LMBR1L: variants seen among roughly 807,000 people sequenced by gnomAD.
LMBR1L encodes protein LMBR1L.
LMBR1L carries 47 observed loss-of-function variants against 67.3 expected under a neutral mutation model. That is an observed-to-expected ratio of 0.70 (90% confidence interval 0.55 to 0.89). LMBR1L has a LOEUF of 0.89. Among genes scored for constraint, LMBR1L ranks in the 40% least tolerant of loss-of-function variants. The pLI is 0.00. For synonymous variants in LMBR1L, 247 were observed against 250.3 expected (o/e 0.99, Z 0.13); for missense variants, 533 against 599.2 (o/e 0.89, Z 1.15).
At chr12:49,104,944 A>C (rs1592218554) in intron 3 of LMBR1L, 59 bp from the exon 4 acceptor site, 1 of 1,551,078 alleles carries the variant, frequency 6.4e-7, no homozygotes, top group Non-Finnish European at 8.7e-7. Context: ...CCTGTGCTGA[A>C]GAAGCCCCAT....
At chr12:49,109,829 G>T (rs1295242959) in intron 1 of LMBR1L, 1 of 432,222 alleles carries the variant, frequency 2.3e-6, no homozygotes, top group Non-Finnish European at 4.6e-6. Context: ...GAAGCCCTGG[G>T]AGGACCACTC....
Position 49,102,275 on chromosome 12 carries a change from C to T in LMBR1L, c.853+18G>A. On this transcript the variant is annotated intron_variant, in intron 10 of 16. Transcript: ENST00000267102. Reference sequence around the variant, plus strand: ...CTTGGGGAAACCCAGGTATCCCAAGCCCTACGAAGCCACATACCCAGCAGG... The same window carrying T: ...CTTGGGGAAACCCAGGTATCCCAAGTCCTACGAAGCCACATACCCAGCAGG... The T allele has an allele frequency of 6.2e-7, 1 of 1,613,786 alleles. No individual in the cohort carries two copies.
At chr12:49,108,028 G>T (rs1285793182) in intron 1 of LMBR1L, among the ~76,000 whole-genome samples, 1 of 152,158 alleles carries the variant, frequency 6.6e-6, no homozygotes, top group Non-Finnish European at 1.5e-5. Flanking sequence ...ACTTTGGGAG[G>T]CCACAGTGGG....
In LMBR1L at chr12:49,097,292, A is replaced by G. The variant is rs774339570; in HGVS notation, c.*380T>C. 27 of 217,682 alleles carry G rather than the reference A, an allele frequency of 1.2e-4. No homozygotes were observed. The highest frequency in any genetic ancestry group is 2.4e-4 in the Non-Finnish European group (25 of 104,656). The allele number at this position is 217,682 out of a possible 1,614,324, so 13.5% of individuals were successfully genotyped here. Reference sequence around the variant, plus strand: ...GGGCCAGAGGCAAGGGAGACAATCTATCTCCCGAGCCTGCCCTGGCCCAGT... The same window carrying G: ...GGGCCAGAGGCAAGGGAGACAATCTGTCTCCCGAGCCTGCCCTGGCCCAGT... On this transcript the variant is annotated 3_prime_UTR_variant, in exon 17 of 17. Transcript: ENST00000267102.
In LMBR1L at chr12:49,101,282, G is replaced by A. The variant is rs763417631; in HGVS notation, c.1050C>T (p.Ser350=). 1.9e-6 allele frequency: 3 copies of A among 1,614,196 alleles called. No individual in the cohort carries two copies. Among genetic ancestry groups the A allele is most frequent in the African/African-American group, 1.3e-5 (1 of 75,044 alleles). ...LGQVSFSKLG[S]FGAVIQVVLI... Reference sequence around the variant, plus strand: ...GTACAACCTGAATGACGGCACCAAAGGAGCCCAGCTTGGAGAAGGAGACCT... The same window carrying A: ...GTACAACCTGAATGACGGCACCAAAAGAGCCCAGCTTGGAGAAGGAGACCT... The change falls in exon 13 of 17, where the codon TCC becomes TCT. Residue 350 remains serine (S), a synonymous_variant. Coordinates refer to ENST00000267102, the MANE Select transcript of LMBR1L (RefSeq NM_018113.4).
At chr12:49,105,877 A>G (rs1323758079) in intron 3 of LMBR1L, 47 bp downstream of exon 3, 2 of 1,547,180 alleles carry the variant, frequency 1.3e-6, no homozygotes, top group African/African-American at 1.4e-5. Flanking sequence ...CCTAGATCCC[A>G]GTTCCTAAAG....
Position 49,097,514 on chromosome 12 carries a change from T to C in LMBR1L, c.*158A>G. 1.4e-6 allele frequency: 1 copy of C among 706,778 alleles called. No individual in the cohort carries two copies. 43.8% of individuals were successfully genotyped at this position (706,778 alleles called of 1,614,324 possible). On this transcript the variant is annotated 3_prime_UTR_variant, in exon 17 of 17. Coordinates refer to ENST00000267102, the MANE Select transcript of LMBR1L (RefSeq NM_018113.4). ...AGCAGGAGGTCCTGGTCCCAAACTCTGGCTCAGATTATGCAATAGTGCAGA... is the reference window on the plus strand; with the variant it reads ...AGCAGGAGGTCCTGGTCCCAAACTCCGGCTCAGATTATGCAATAGTGCAGA...
intron 1 of LMBR1L, chr12:49,109,839 C>G (rs1365745058): frequency 2.4e-6 from 1 of 421,052 alleles, no homozygotes; most frequent in African/African-American, 2.1e-5. Context: ...GAGGACCACT[C>G]ACTGGGGAAA....
chr12:49,106,843 G>C, intron 2 of LMBR1L, 118 bp downstream of exon 2: 4 of 943,658 alleles, frequency 4.2e-6, no homozygotes, highest in Non-Finnish European at 6.9e-6. Context: ...AGAGGCAAAG[G>C]CTCCAGAACA....
intron 13 of LMBR1L, 70 bp downstream of exon 13, chr12:49,101,180 A>G (rs1251143842): frequency 1.2e-6 from 2 of 1,613,326 alleles, no homozygotes; most frequent in African/African-American, 2.7e-5. Context: ...AAGTCCAAGA[A>G]GTGCTCGGTC....
chr12:49,100,301 G>C, intron 15 of LMBR1L, 87 bp downstream of exon 15: 1 of 1,025,006 alleles, frequency 9.8e-7, no homozygotes, highest in South Asian at 1.3e-5. Context: ...GTGGGAATTA[G>C]AGAAATTATG....
chr12:49,101,736 A>C, intron 11 of LMBR1L, 187 bp from the exon 12 acceptor site: 1 of 595,242 alleles, frequency 1.7e-6, no homozygotes, highest in Non-Finnish European at 3.0e-6. Flanking sequence ...TATAAGATAC[A>C]TCTCCTCTAG....
Position 49,101,234 on chromosome 12 carries a change from G to A in LMBR1L, c.1082+16C>T, listed in dbSNP as rs1371753097. On this transcript the variant is annotated intron_variant, in intron 13 of 16. Transcript: ENST00000267102. The stretch of plus-strand genomic sequence containing the variant: ...GTTTGCTGAACAGAGGCAATGATGG[G>A]TTTCCAGAAGGATACAAGATGAGTA... 1 of 1,614,160 alleles carries A rather than the reference G, an allele frequency of 6.2e-7. No individual in the cohort carries two copies. Among genetic ancestry groups the A allele is most frequent in the Admixed American group, 1.7e-5 (1 of 60,024 alleles).
At chr12:49,098,297 C>T (rs1939673687) in intron 15 of LMBR1L, among the ~76,000 whole-genome samples, 192 bp from the exon 16 acceptor site, 1 of 152,236 alleles carries the variant, frequency 6.6e-6, no homozygotes, top group Non-Finnish European at 1.5e-5. Flanking sequence ...AGGCTTGCTT[C>T]AACTTCGCTT....
rs1939529888 is a variant in LMBR1L, at chr12:49,097,428, CA to C, written c.*243del. Reference sequence around the variant, plus strand: ...ATTGATGTGTAAACAGATTTGGGATCAGGGGCTAGACCCAGTCACCCAGCCC... The same window carrying C: ...ATTGATGTGTAAACAGATTTGGGATCGGGGCTAGACCCAGTCACCCAGCCC... On this transcript the variant is annotated 3_prime_UTR_variant, in exon 17 of 17. Coordinates refer to ENST00000267102, the MANE Select transcript of LMBR1L (RefSeq NM_018113.4). 9.2e-6 allele frequency: 5 copies of C among 543,696 alleles called. No homozygotes were observed. Among genetic ancestry groups the C allele is most frequent in the African/African-American group, 5.6e-5 (3 of 53,146 alleles). 33.7% of individuals were successfully genotyped at this position (543,696 alleles called of 1,614,324 possible). A position where few individuals can be genotyped will look rare whatever the true frequency, so the allele number is the denominator to read the frequency against.
intron 15 of LMBR1L, among the ~76,000 whole-genome samples, chr12:49,098,893 T>C (rs1363773736): frequency 6.6e-6 from 1 of 152,008 alleles, no homozygotes; most frequent in East Asian, 1.9e-4. Context: ...CTTAGCTCAC[T>C]GCAGCCTCAA....
In LMBR1L at chr12:49,102,518, T is replaced by C. The variant is rs746887360; in HGVS notation, c.719A>G (p.Gln240Arg). The C allele has an allele frequency of 7.4e-5, 120 of 1,614,022 alleles. No homozygotes were observed. Among genetic ancestry groups the C allele is most frequent in the Non-Finnish European group, 1.0e-4 (119 of 1,180,022 alleles). Residue 240 changes from glutamine (Q) to arginine (R), a missense_variant, in exon 9 of 17, where the codon CAG becomes CGG. This residue lies in a region of LMBR1L where 64 missense variants were observed against 109.0 expected (regional missense o/e 0.59). Coordinates refer to ENST00000267102, the MANE Select transcript of LMBR1L (RefSeq NM_018113.4). ...KPRLLEDLEE[Q>R]LYCSAFEEAA... ...CTCCTCAAAGGCTGAGCAGTACAGC[T>C]GCTCCTCCAGGTCTTCCAGCAGCTA...
rs149778606 is a variant in LMBR1L at position 49,097,211 on chromosome 12, T to A, written c.*461A>T. 2.2e-4 allele frequency: 35 copies of A among 160,518 alleles called. No individual in the cohort carries two copies. In the East Asian group the frequency reaches 5.8e-3, roughly 27 times the overall value. 9.9% of individuals were successfully genotyped at this position (160,518 alleles called of 1,614,324 possible). A position where few individuals can be genotyped will look rare whatever the true frequency, so the allele number is the denominator to read the frequency against. On this transcript the variant is annotated 3_prime_UTR_variant, in exon 17 of 17. Coordinates refer to ENST00000267102, the MANE Select transcript of LMBR1L (RefSeq NM_018113.4). The stretch of plus-strand genomic sequence containing the variant: ...TGAAGCCTCCTCCTCCCTATCCCCT[T>A]GGTCTTTCAGGTGGTCCAAAGCCCC...
rs1419685544 is a variant in LMBR1L, at chr12:49,102,931, C to T, written c.652G>A (p.Ala218Thr). 3 of 1,613,950 alleles carry T rather than the reference C, an allele frequency of 1.9e-6. No individual in the cohort carries two copies. Among genetic ancestry groups the T allele is most frequent in the South Asian group, 1.1e-5 (1 of 91,084 alleles). ...LLLVCTPLGLARMFSVTGKLL... is the reference protein window; with the variant it reads ...LLLVCTPLGLTRMFSVTGKLL... Reference sequence around the variant, plus strand: ...TTCCCAGTGACGGAGAACATGCGGGCGAGACCCAGTGGAGTACACACTGTA... The same window carrying T: ...TTCCCAGTGACGGAGAACATGCGGGTGAGACCCAGTGGAGTACACACTGTA... The change falls in exon 8 of 17, where the codon GCC (alanine) becomes ACC (threonine). Residue 218 changes from alanine to threonine, a missense_variant. Ala to Thr is a moderately conservative substitution (Grantham distance 58). This residue lies in a region of LMBR1L where 64 missense variants were observed against 109.0 expected (regional missense o/e 0.59). Transcript: ENST00000267102.
Sources: gnomAD v4.1 joint callset for allele counts (sites outside exome capture counted in the v4.1 genomes callset) on GRCh38, gnomAD v4.1.1 for gene constraint, gnomAD v4.1.1 regional missense constraint, MANE v1.5 for transcripts, NCBI Gene and HGNC (gene_info 2026-07-23, HGNC 2026-07-21) for gene names.